EN1: variants seen among roughly 807,000 people sequenced by gnomAD.
The protein encoded by EN1 is homeobox protein engrailed-1.
In EN1, 8 loss-of-function variants were observed where a neutral mutation model predicts 22.9. That is an observed-to-expected ratio of 0.35 (90% CI 0.20 to 0.63). The LOEUF is 0.63. EN1 is among the 20% of genes least tolerant of loss of function. The pLI is 0.73. For synonymous variants in EN1, 287 were observed against 262.5 expected (o/e 1.09, Z -0.90); for missense variants, 521 against 572.1 (o/e 0.91, Z 0.91).
In EN1 at chr2:118,843,213, C is replaced by G. The variant is rs1396008661; in HGVS notation, c.904G>C (p.Glu302Gln). 6.3e-7 allele frequency: 1 copy of G among 1,576,034 alleles called. No homozygotes were observed. Among genetic ancestry groups the G allele is most frequent in the Admixed American group, 1.8e-5 (1 of 54,698 alleles). Reference protein sequence around the residue: ...RKLKKKKNEKEDKRPRTAFTA... With the variant: ...RKLKKKKNEKQDKRPRTAFTA... ...AACGCGGTCCGCGGCCGCTTGTCCTCCTTCTCGTTCTTCTTCTTCTTCAGC... is the reference window on the plus strand; with the variant it reads ...AACGCGGTCCGCGGCCGCTTGTCCTGCTTCTCGTTCTTCTTCTTCTTCAGC... Residue 302 changes from glutamate (E) to glutamine (Q), a missense_variant, in exon 2 of 2, where the codon GAG becomes CAG. Physicochemically the swap from Glu to Gln is conservative, Grantham distance 29 (BLOSUM62 2). Around this residue, in one of 3 missense-constraint regions of EN1, gnomAD observed 50 missense variants for 121.8 expected, o/e 0.41. Transcript: ENST00000295206.
intron 1 of EN1, chr2:118,843,946 G>A (rs958962035): frequency 2.0e-5 from 3 of 152,222 alleles, no homozygotes; most frequent in African/African-American, 7.3e-5. Flanking sequence ...TTTCTCTTTG[G>A]CCTAAAGGAA....
rs1678274555 is a variant in EN1 at position 118,846,556 on chromosome 2, C to T, written c.612G>A (p.Ala204=). ...KAGNPAAAAA[A]AAAAVAAAAA... is the part of the protein sequence containing the mutation. ...CCGCCGCCGCCACTGCCGCCGCGGC[C>T]GCCGCCGCCGCCGCAGCCGGGTTCC... The change falls in exon 1 of 2, where the codon GCG becomes GCA. Residue 204 remains alanine (A), a synonymous_variant. Transcript: ENST00000295206. This position sits in a 1 kb window ranked among gnomAD's most constrained non-coding sequence, Gnocchi z 5.0. 1 of 1,172,182 alleles carries T rather than the reference C, an allele frequency of 8.5e-7. No homozygotes were observed. Among genetic ancestry groups the T allele is most frequent in the Non-Finnish European group, 1.1e-6 (1 of 950,416 alleles). 72.6% of individuals were successfully genotyped at this position (1,172,182 alleles called of 1,614,324 possible).
chr2:118,846,754 TCCTCCTGCG>T lies in EN1; in HGVS notation c.405_413del (p.Ala136_Gly138del). ...CTCTGTCACGCTCGACCCGGCCTCCTCCTCCTGCGCCTCCTCTGGCCGCCGCAGCCACCA... is the reference window on the plus strand; with the variant it reads ...CTCTGTCACGCTCGACCCGGCCTCCTCCTCCTCTGGCCGCCGCAGCCACCA... On this transcript the variant is annotated inframe_deletion, in exon 1 of 2. Coordinates refer to ENST00000295206, the MANE Select transcript of EN1 (RefSeq NM_001426.4). This position sits in a 1 kb window ranked among gnomAD's most constrained non-coding sequence, Gnocchi z 5.0. The T allele has an allele frequency of 1.1e-5, 18 of 1,594,526 alleles. No individual in the cohort carries two copies. The highest frequency in any genetic ancestry group is 1.5e-5 in the Non-Finnish European group (18 of 1,177,540).
chr2:118,842,675 A>C lies in EN1; in HGVS notation c.*263T>G. ...AGCGGTTTGGCTAGATAGAGCTTTA[A>C]GGAGTTCGCAGTTTCGTCCCTTATA... is the stretch of plus-strand genomic sequence containing the variant. On this transcript the variant is annotated 3_prime_UTR_variant, in exon 2 of 2. Coordinates refer to ENST00000295206, the MANE Select transcript of EN1 (RefSeq NM_001426.4). The C allele has an allele frequency of 5.9e-6, 3 of 509,786 alleles. No homozygotes were observed. Among genetic ancestry groups the C allele is most frequent in the Non-Finnish European group, 9.8e-6 (3 of 305,156 alleles). The allele number at this position is 509,786 out of a possible 1,614,324, so 31.6% of individuals were successfully genotyped here. A position where few individuals can be genotyped will look rare whatever the true frequency, so the allele number is the denominator to read the frequency against.
chr2:118,843,270 G>A lies in EN1; in HGVS notation c.863-16C>T, dbSNP rs796778743. On this transcript the variant is annotated splice_polypyrimidine_tract_variant and intron_variant, in intron 1 of 1. Transcript: ENST00000295206. ...GTGCGCGGACCTGCAGCGGCGGAGA[G>A]GGCCGGGGTGGGGTGGGGGTGGGGA... 5 of 1,419,366 alleles carry A rather than the reference G, an allele frequency of 3.5e-6. No individual in the cohort carries two copies. The African/African-American group carries it at 5.7e-5, about 16-fold the overall frequency. 87.9% of individuals were successfully genotyped at this position (1,419,366 alleles called of 1,614,324 possible).
Position 118,846,253 on chromosome 2 carries a change from G to A in EN1, c.862+53C>T, listed in dbSNP as rs547832298. On this transcript the variant is annotated intron_variant, in intron 1 of 1. Coordinates refer to ENST00000295206, the MANE Select transcript of EN1 (RefSeq NM_001426.4). The surrounding 1 kb of genome is among the most constrained non-coding windows in gnomAD (Gnocchi z 5.0). ...CCCTAGCGCCGCAGCTTGGCGTTCT[G>A]GGGCGGTCCGCGGGGCCAGAAGGCA... 202 of 1,577,014 alleles carry A rather than the reference G, an allele frequency of 1.3e-4. 2 individuals carry two copies. The South Asian group carries it at 1.3e-3, about 10-fold the overall frequency.
chr2:118,846,455 T>C lies in EN1; in HGVS notation c.713A>G (p.Gln238Arg), dbSNP rs1285647208. Residue 238 changes from glutamine to arginine, a missense_variant, in exon 1 of 2, where the codon CAG becomes CGG. Gln to Arg is a conservative substitution (Grantham distance 43). Transcript: ENST00000295206. The surrounding 1 kb of genome is among the most constrained non-coding windows in gnomAD (Gnocchi z 5.0). ...GCCGTGCTCCGGGTATTTGGTGCCC[T>C]GCGCTCCGGGGCTCCCCGCGCCGCC... ...SGGGAGSPGA[Q>R]GTKYPEHGNP... 6.2e-7 allele frequency: 1 copy of C among 1,610,030 alleles called. No individual in the cohort carries two copies. The highest frequency in any genetic ancestry group is 1.7e-5 in the Admixed American group (1 of 59,748).
At chr2:118,843,708 T>C (rs1295936008) in intron 1 of EN1, among the ~76,000 whole-genome samples, 1 of 152,032 alleles carries the variant, frequency 6.6e-6, no homozygotes, top group Non-Finnish European at 1.5e-5. Flanking sequence ...ACTGGGGCAG[T>C]GAGGGCAGGC....
At position 118,847,108 on chromosome 2, in the gene EN1, C is replaced by A. The variant is rs938029391; in HGVS notation, c.60G>T (p.Ala20=). Residue 20 remains alanine, a synonymous_variant, in exon 1 of 2, where the codon GCG becomes GCT. Transcript: ENST00000295206. ...SQRDSALGAA[A]AATPGGLSLS... is the part of the protein sequence containing the mutation. The stretch of plus-strand genomic sequence containing the variant: ...GGCTGAGGCCGCCCGGAGTCGCCGC[C>A]GCCGCCGCGCCGAGGGCCGAGTCGC... 7.2e-7 allele frequency: 1 copy of A among 1,386,652 alleles called. No individual in the cohort carries two copies. Among genetic ancestry groups the A allele is most frequent in the Non-Finnish European group, 9.5e-7 (1 of 1,056,924 alleles). 85.9% of individuals were successfully genotyped at this position (1,386,652 alleles called of 1,614,324 possible).
chr2:118,846,758 C>T lies in EN1; in HGVS notation c.410G>A (p.Gly137Glu). The change falls in exon 1 of 2, where the codon GGA becomes GAA. Residue 137 changes from glycine to glutamate, a missense_variant. Gly to Glu is a moderately conservative substitution (Grantham distance 98, BLOSUM62 -2). This residue lies in a region of EN1 where 436 missense variants were observed against 410.1 expected (regional missense o/e 1.06). Transcript: ENST00000295206. The surrounding 1 kb of genome is among the most constrained non-coding windows in gnomAD (Gnocchi z 5.0). ...LVAAAARGGA[G>E]GGGRVERDRG... ...GTCACGCTCGACCCGGCCTCCTCCT[C>T]CTGCGCCTCCTCTGGCCGCCGCAGC... The T allele has an allele frequency of 1.3e-6, 2 of 1,594,492 alleles. No individual in the cohort carries two copies. The highest frequency in any genetic ancestry group is 1.7e-6 in the Non-Finnish European group (2 of 1,177,476).
In EN1 at chr2:118,846,997, G is replaced by T. The variant is rs1482548086; in HGVS notation, c.171C>A (p.Pro57=). ...GCAGGCAAGGCGCCGCGGGCGGCGA[G>T]GGGGGCGCAGGCTGCGGGGACACCG... is the stretch of plus-strand genomic sequence containing the variant. ...SVPVSPQPAP[P]SPPAAPCLPP... Residue 57 remains proline (P), a synonymous_variant, in exon 1 of 2, where the codon CCC becomes CCA. Transcript: ENST00000295206. This position sits in a 1 kb window ranked among gnomAD's most constrained non-coding sequence, Gnocchi z 5.0. 2.2e-6 allele frequency: 3 copies of T among 1,360,760 alleles called. No homozygotes were observed. The highest frequency in any genetic ancestry group is 2.8e-6 in the Non-Finnish European group (3 of 1,067,396). 84.3% of individuals were successfully genotyped at this position (1,360,760 alleles called of 1,614,324 possible).
In EN1 at chr2:118,846,433, G is replaced by C. The variant is rs753043668; in HGVS notation, c.735C>G (p.His245Gln). 6.2e-7 allele frequency: 1 copy of C among 1,612,780 alleles called. No homozygotes were observed. Among genetic ancestry groups the C allele is most frequent in the Admixed American group, 1.7e-5 (1 of 59,950 alleles). ...CCATAAGTAGGATAGCCGGGTTGCC[G>C]TGCTCCGGGTATTTGGTGCCCTGCG... ...PGAQGTKYPE[H>Q]GNPAILLMGS... The change falls in exon 1 of 2, where the codon CAC becomes CAG. Residue 245 changes from histidine (H) to glutamine (Q), a missense_variant. By Grantham distance (24) the His-to-Gln change is conservative. Transcript: ENST00000295206. The surrounding 1 kb of genome is among the most constrained non-coding windows in gnomAD (Gnocchi z 5.0).
chr2:118,844,664 G>A (rs1189769934), intron 1 of EN1, among the ~76,000 whole-genome samples: 1 of 152,204 alleles, frequency 6.6e-6, no homozygotes, highest in African/African-American at 2.4e-5. Flanking sequence ...CTACAGAGAG[G>A]AAGGCTGGGC....
Position 118,846,646 on chromosome 2 carries a change from G to C in EN1, c.522C>G (p.Asp174Glu). 6.5e-7 allele frequency: 1 copy of C among 1,540,256 alleles called. No homozygotes were observed. Among genetic ancestry groups the C allele is most frequent in the Non-Finnish European group, 8.7e-7 (1 of 1,153,362 alleles). ...PGAASLLCAPDANCGPPDGSQ... is the reference protein window; with the variant it reads ...PGAASLLCAPEANCGPPDGSQ... ...AGCCGTCGGGTGGGCCACAGTTCGC[G>C]TCCGGGGCGCACAGGAGCGAGGCAG... is the stretch of plus-strand genomic sequence containing the variant. Residue 174 changes from aspartate to glutamate, a missense_variant, in exon 1 of 2, where the codon GAC (aspartate) becomes GAG (glutamate). Asp to Glu is a conservative substitution (Grantham distance 45). Coordinates refer to ENST00000295206, the MANE Select transcript of EN1 (RefSeq NM_001426.4). The surrounding 1 kb of genome is among the most constrained non-coding windows in gnomAD (Gnocchi z 5.0).
rs974926660 is a variant in EN1 at position 118,846,122 on chromosome 2, C to T, written c.862+184G>A. Among the ~76,000 whole-genome samples the T allele has an allele frequency of 6.6e-6, 1 of 152,144 alleles. No homozygotes were observed. The highest frequency in any genetic ancestry group is 1.5e-5 in the Non-Finnish European group (1 of 68,030). On this transcript the variant is annotated intron_variant, in intron 1 of 1. Coordinates refer to ENST00000295206, the MANE Select transcript of EN1 (RefSeq NM_001426.4). The surrounding 1 kb of genome is among the most constrained non-coding windows in gnomAD (Gnocchi z 5.0). ...CGAGCTGTAGCTTCTCGGGTGGTGG[C>T]CGCAGAGGCCAGGATCGCATAGCTG...
chr2:118,843,685 C>T (rs1678226773), intron 1 of EN1, among the ~76,000 whole-genome samples: 1 of 152,116 alleles, frequency 6.6e-6, no homozygotes, highest in African/African-American at 2.4e-5. Context: ...CTCACCGCCC[C>T]GGAATAGATA....
At position 118,842,888 on chromosome 2, in the gene EN1, A is replaced by T; in HGVS notation, c.*50T>A. ...TCCCCCAGCGAGGGGCCGGGAGACG[A>T]CGGCGGCGGTGCCGGGAGGGGGCGC... On this transcript the variant is annotated 3_prime_UTR_variant, in exon 2 of 2. Transcript: ENST00000295206. 6.4e-7 allele frequency: 1 copy of T among 1,559,684 alleles called. No homozygotes were observed. Among genetic ancestry groups the T allele is most frequent in the Non-Finnish European group, 8.7e-7 (1 of 1,150,924 alleles).
Position 118,847,001 on chromosome 2 carries a change from G to T in EN1, c.167C>A (p.Pro56His), listed in dbSNP as rs1678288342. 7.3e-7 allele frequency: 1 copy of T among 1,363,306 alleles called. No individual in the cohort carries two copies. The allele number at this position is 1,363,306 out of a possible 1,614,324, so 84.5% of individuals were successfully genotyped here. A position where few individuals can be genotyped will look rare whatever the true frequency, so the allele number is the denominator to read the frequency against. Residue 56 changes from proline to histidine, a missense_variant, in exon 1 of 2, where the codon CCC becomes CAC. Physicochemically the swap from Pro to His is moderately conservative, Grantham distance 77. This residue lies in a region of EN1 where 436 missense variants were observed against 410.1 expected (regional missense o/e 1.06). Coordinates refer to ENST00000295206, the MANE Select transcript of EN1 (RefSeq NM_001426.4). ...GCAAGGCGCCGCGGGCGGCGAGGGG[G>T]GCGCAGGCTGCGGGGACACCGGCAC... The part of the protein sequence containing the change: ...DSVPVSPQPA[P>H]PSPPAAPCLP...
chr2:118,844,756 C>T (rs1370437630), intron 1 of EN1, among the ~76,000 whole-genome samples: 8 of 152,216 alleles, frequency 5.3e-5, no homozygotes, highest in Admixed American at 3.9e-4. Context: ...ACTGCAGCGA[C>T]TCAGATCTGG....
Sources: allele counts gnomAD v4.1 joint callset (sites outside exome capture counted in the v4.1 genomes callset), GRCh38; gene constraint gnomAD v4.1.1; regional missense constraint gnomAD v4.1.1; non-coding constraint Gnocchi (gnomAD v3.1); transcripts MANE v1.5; gene names NCBI Gene and HGNC (gene_info 2026-07-23, HGNC 2026-07-21).